Variants in KCTD20 observed in about 807,000 individuals in gnomAD.
KCTD20 encodes the protein potassium channel tetramerization domain containing 20.
Under a neutral mutation model 39.6 loss-of-function variants are expected in KCTD20, and 30 were observed. That is an observed-to-expected ratio of 0.76 (90% CI 0.57 to 1.03). KCTD20 has a LOEUF of 1.03. KCTD20 is among the 50% of genes least tolerant of loss of function. KCTD20 has a pLI of 0.00. For missense variants in KCTD20, 422 were observed against 522.0 expected, an observed-to-expected ratio of 0.81 and a Z score of 1.87; for synonymous variants, 162 against 180.6, an observed-to-expected ratio of 0.90 and a Z score of 0.83.
intron 1 of KCTD20, among the ~76,000 whole-genome samples, chr6:36,463,778 G>T (rs1775666259): frequency 2.0e-5 from 3 of 152,136 alleles, no homozygotes; most frequent in Admixed American, 1.3e-4. Flanking sequence ...TGTGAGAAAA[G>T]AAATTTCTGT....
At chr6:36,455,766 C>T (rs1002990754) in intron 1 of KCTD20, among the ~76,000 whole-genome samples, 1 of 152,234 alleles carries the variant, frequency 6.6e-6, no homozygotes, top group African/African-American at 2.4e-5. Flanking sequence ...AAGCTACAGT[C>T]TGCAGGCAGA....
At chr6:36,474,040 C>A (rs1775990130) in intron 2 of KCTD20, among the ~76,000 whole-genome samples, 1 of 151,952 alleles carries the variant, frequency 6.6e-6, no homozygotes, top group Admixed American at 6.6e-5. Context: ...TATCATTATC[C>A]CTTCTGAAAA....
intron 2 of KCTD20, among the ~76,000 whole-genome samples, chr6:36,471,846 ATTTC>A (rs1775917834): frequency 6.8e-6 from 1 of 147,682 alleles, no homozygotes; most frequent in African/African-American, 2.5e-5. Context: ...TCTGGTATCT[ATTTC>A]TTTTTTTTTT....
chr6:36,476,804 C>T (rs1776078447), intron 3 of KCTD20, among the ~76,000 whole-genome samples: 1 of 152,136 alleles, frequency 6.6e-6, no homozygotes, highest in Non-Finnish European at 1.5e-5. Context: ...AAAAGTAGAA[C>T]ATTAAAACAT....
chr6:36,443,554 G>A (rs1478023606), intron 1 of KCTD20: 1 of 152,140 alleles, frequency 6.6e-6, no homozygotes, highest in African/African-American at 2.4e-5. Context: ...ACTTCCTCCT[G>A]AACTCTGGAG....
chr6:36,453,183 T>C (rs955500075), intron 1 of KCTD20, among the ~76,000 whole-genome samples: 7 of 151,674 alleles, frequency 4.6e-5, no homozygotes, highest in Non-Finnish European at 8.8e-5. Flanking sequence ...TAATTTTTTT[T>C]GTATTATTAG....
In KCTD20 at chr6:36,484,809, C is replaced by T. The variant is rs1306136564; in HGVS notation, c.952C>T (p.Arg318Cys). Residue 318 changes from arginine (R) to cysteine (C), a missense_variant, in exon 7 of 8, where the codon CGC (arginine) becomes TGC (cysteine). Coordinates refer to ENST00000373731, the MANE Select transcript of KCTD20 (RefSeq NM_173562.5). The part of the protein sequence containing the change: ...VLKERGLKNI[R>C]IGIEGYPTCK... ...AAAGGAACGGGGCCTAAAAAACATTCGCATTGGAATTGAAGGTAAAAAAAA... is the reference window on the plus strand; with the variant it reads ...AAAGGAACGGGGCCTAAAAAACATTTGCATTGGAATTGAAGGTAAAAAAAA... 3 of 1,570,264 alleles carry T rather than the reference C, an allele frequency of 1.9e-6. No homozygotes were observed. Among genetic ancestry groups the T allele is most frequent in the Admixed American group, 3.5e-5 (2 of 57,364 alleles).
Position 36,489,978 on chromosome 6 carries a change from G to A in KCTD20, c.*2803G>A, listed in dbSNP as rs1776536906. ...TATTTGAAAGAATGGCAGCAAAAAG[G>A]TTAAGAAAGCAAGCCAGATTTACTG... On this transcript the variant is annotated 3_prime_UTR_variant, in exon 8 of 8. Transcript: ENST00000373731. The A allele has an allele frequency of 1.3e-5, 2 of 152,216 alleles. No homozygotes were observed. The highest frequency in any genetic ancestry group is 1.9e-4 in the East Asian group (1 of 5,204). The allele number at this position is 152,216 out of a possible 1,614,324, so 9.4% of individuals were successfully genotyped here.
chr6:36,470,376 G>T, intron 2 of KCTD20, 119 bp downstream of exon 2: 1 of 944,994 alleles, frequency 1.1e-6, no homozygotes, highest in East Asian at 2.5e-5. Context: ...TGCTTAGCTT[G>T]CATGTCACAA....
chr6:36,470,277 A>G lies in KCTD20; in HGVS notation c.160+20A>G. On this transcript the variant is annotated intron_variant, in intron 2 of 7. Transcript: ENST00000373731. ...ATGAAGGTACAGTGATTAACTCTTG[A>G]CTTAATTTGGGGGGCTTTCCAATAC... 1 of 1,577,642 alleles carries G rather than the reference A, an allele frequency of 6.3e-7. No homozygotes were observed. Among genetic ancestry groups the G allele is most frequent in the Non-Finnish European group, 8.6e-7 (1 of 1,156,630 alleles).
chr6:36,449,189 G>A (rs1193948007), intron 1 of KCTD20, among the ~76,000 whole-genome samples: 2 of 152,174 alleles, frequency 1.3e-5, no homozygotes, highest in South Asian at 2.1e-4. Flanking sequence ...TCCGTGTCCT[G>A]CTGATTGGTC....
At chr6:36,466,568 G>T (rs1014277969) in intron 1 of KCTD20, among the ~76,000 whole-genome samples, 3 of 151,924 alleles carry the variant, frequency 2.0e-5, no homozygotes, top group Non-Finnish European at 4.4e-5. Context: ...TTTTTTTAGA[G>T]ATGAGATCTT....
chr6:36,479,499 T>G, intron 4 of KCTD20, 92 bp from the exon 5 acceptor site: 1 of 1,174,268 alleles, frequency 8.5e-7, no homozygotes, highest in Non-Finnish European at 1.2e-6. Flanking sequence ...CAGTAGCTCA[T>G]TGCTTTAACA....
chr6:36,451,523 C>T (rs984961876), intron 1 of KCTD20: 7 of 152,192 alleles, frequency 4.6e-5, no homozygotes, highest in African/African-American at 1.7e-4. Flanking sequence ...AGGTCTTGCT[C>T]TGTCACCCAG....
chr6:36,479,769 G>A, intron 5 of KCTD20, 58 bp downstream of exon 5: 2 of 819,130 alleles, frequency 2.4e-6, no homozygotes. Context: ...AGTTTTCTTG[G>A]AAGTCACCGA....
intron 2 of KCTD20, among the ~76,000 whole-genome samples, chr6:36,471,038 C>T (rs984449239): frequency 6.6e-6 from 1 of 151,852 alleles, no homozygotes; most frequent in Non-Finnish European, 1.5e-5. Flanking sequence ...GTAATCTCAG[C>T]TACTTGGGAG....
At chr6:36,477,610 G>C (rs1776105937) in intron 3 of KCTD20, among the ~76,000 whole-genome samples, 1 of 150,570 alleles carries the variant, frequency 6.6e-6, no homozygotes, top group African/African-American at 2.4e-5. Flanking sequence ...CTCCCGCACA[G>C]CTGGGACTAC....
At chr6:36,467,772 AAT>A (rs1775805158) in intron 1 of KCTD20, among the ~76,000 whole-genome samples, 4 of 152,186 alleles carry the variant, frequency 2.6e-5, no homozygotes, top group Admixed American at 2.6e-4. Context: ...AAACAACTTA[AAT>A]ATTGATAGGG....
At chr6:36,459,939 A>G (rs1037274240) in intron 1 of KCTD20, among the ~76,000 whole-genome samples, 1 of 152,196 alleles carries the variant, frequency 6.6e-6, no homozygotes, top group Non-Finnish European at 1.5e-5. Context: ...TTTTAATTGC[A>G]CTGCTTTAAA....
Sources: gnomAD v4.1 joint callset for allele counts (sites outside exome capture counted in the v4.1 genomes callset) on GRCh38, gnomAD v4.1.1 for gene constraint, MANE v1.5 for transcripts, NCBI Gene and HGNC (gene_info 2026-07-23, HGNC 2026-07-21) for gene names.